The following TYR variants were observed in gnomAD, a reference collection of about 807,000 sequenced individuals.
TYR encodes LB24-AB.
Under a neutral mutation model 51.5 loss-of-function variants are expected in TYR, and 58 were observed. That is an observed-to-expected ratio of 1.13 (90% CI 0.91 to 1.40). The LOEUF (loss-of-function observed/expected upper bound fraction) is 1.40, where lower values mean the gene tolerates loss of function less well. Among genes scored for constraint, TYR ranks in the 40% most tolerant of loss-of-function variants. TYR has a pLI of 0.00. For synonymous variants in TYR, 263 were observed against 235.2 expected (o/e 1.12, Z -1.08); for missense variants, 732 against 647.4 (o/e 1.13, Z -1.42).
chr11:89,223,978 G>A (rs1366740675), intron 2 of TYR, among the ~76,000 whole-genome samples: 1 of 150,392 alleles, frequency 6.6e-6, no homozygotes, highest in African/African-American at 2.5e-5. Flanking sequence ...GTATAGTAGT[G>A]AGTAATGAAA....
chr11:89,244,367 C>G (rs1416075285), intron 3 of TYR, among the ~76,000 whole-genome samples: 1 of 151,962 alleles, frequency 6.6e-6, no homozygotes, highest in African/African-American at 2.4e-5. Flanking sequence ...TTCTCTCTGT[C>G]CAGCTCCAGC....
chr11:89,286,951 A>G (rs1361398709), intron 4 of TYR, among the ~76,000 whole-genome samples: 1 of 151,832 alleles, frequency 6.6e-6, no homozygotes, highest in Admixed American at 6.6e-5. Context: ...CATTTCCAAA[A>G]CACGCTAGAC....
chr11:89,294,217 G>C (rs1944880635), intron 4 of TYR: 1 of 152,678 alleles, frequency 6.5e-6, no homozygotes, highest in Non-Finnish European at 1.5e-5. Flanking sequence ...CTGCCTCTTC[G>C]ACTTTTTTAC....
chr11:89,189,720 G>A (rs551703719), intron 1 of TYR, among the ~76,000 whole-genome samples: 1 of 152,170 alleles, frequency 6.6e-6, no homozygotes, highest in Admixed American at 6.5e-5. Context: ...AACTATGTGA[G>A]GTAGTTGTTA....
At chr11:89,263,035 TC>T (rs1944481342) in intron 3 of TYR, among the ~76,000 whole-genome samples, 2 of 151,470 alleles carry the variant, frequency 1.3e-5, no homozygotes, top group Admixed American at 1.3e-4. Context: ...GTGAGCAAAG[TC>T]AGACAAAACT....
At chr11:89,230,551 A>G (rs1944033600) in intron 3 of TYR, among the ~76,000 whole-genome samples, 1 of 152,088 alleles carries the variant, frequency 6.6e-6, no homozygotes, top group Non-Finnish European at 1.5e-5. Context: ...CAAACTAAAA[A>G]TCTCCAAGCG....
rs372820129 is a variant in TYR at position 89,252,654 on chromosome 11, T to C, written c.1184+24684T>C. Among the ~76,000 whole-genome samples, 3 of 151,780 alleles carry C rather than the reference T, an allele frequency of 2.0e-5. No homozygotes were observed. The East Asian group carries it at 5.8e-4, about 29-fold the overall frequency. On this transcript the variant is annotated intron_variant, in intron 3 of 4. Coordinates refer to ENST00000263321, the MANE Select transcript of TYR (RefSeq NM_000372.5). ...GTTTTGAAATTAAACAAAGTACTGA[T>C]TCAGAAAAAGCAAGTGCAAAACCTC...
intron 1 of TYR, among the ~76,000 whole-genome samples, chr11:89,182,993 C>T (rs1298619606): frequency 6.6e-6 from 1 of 152,062 alleles, no homozygotes; most frequent in African/African-American, 2.4e-5. Flanking sequence ...AGCAGAGAGT[C>T]ATGGGTTTTA....
chr11:89,286,580 C>T (rs564376893), intron 4 of TYR, among the ~76,000 whole-genome samples: 1 of 151,702 alleles, frequency 6.6e-6, no homozygotes, highest in African/African-American at 2.4e-5. Flanking sequence ...AATATATACA[C>T]AATTTGGGGC....
intron 3 of TYR, among the ~76,000 whole-genome samples, chr11:89,257,708 T>C (rs557026156): frequency 3.3e-5 from 5 of 152,168 alleles, no homozygotes; most frequent in Admixed American, 3.3e-4. Flanking sequence ...TTTATTTATG[T>C]ATTTTTTTTA....
At position 89,227,888 on chromosome 11, in the gene TYR, A is replaced by G; in HGVS notation, c.1102A>G (p.Ile368Val). 1 of 1,613,594 alleles carries G rather than the reference A, an allele frequency of 6.2e-7. No homozygotes were observed. Among genetic ancestry groups the G allele is most frequent in the Non-Finnish European group, 8.5e-7 (1 of 1,179,720 alleles). Residue 368 changes from isoleucine (I) to valine (V), a missense_variant, in exon 3 of 5, where the codon ATC becomes GTC. Physicochemically the swap from Ile to Val is conservative, Grantham distance 29. Transcript: ENST00000263321. ...SQSSMHNALH[I>V]YMNGTMSQVQ... ...AAGCAGCATGCACAATGCCTTGCACATCTATATGAATGGAACAATGTCCCA... is the reference window on the plus strand; with the variant it reads ...AAGCAGCATGCACAATGCCTTGCACGTCTATATGAATGGAACAATGTCCCA...
chr11:89,281,473 C>A (rs1944721354), intron 3 of TYR, among the ~76,000 whole-genome samples: 1 of 151,686 alleles, frequency 6.6e-6, no homozygotes, highest in Non-Finnish European at 1.5e-5. Context: ...AAGACAGCAG[C>A]ACCCAGGAAT....
At chr11:89,227,721 T>G (rs576929827) in intron 2 of TYR, 102 bp from the exon 3 acceptor site, 1 of 1,012,836 alleles carries the variant, frequency 9.9e-7, no homozygotes, top group East Asian at 2.6e-5. Flanking sequence ...TTTTATATTT[T>G]GAAACAGTCT....
At chr11:89,210,115 G>A (rs1230404761) in intron 2 of TYR, among the ~76,000 whole-genome samples, 1 of 152,194 alleles carries the variant, frequency 6.6e-6, no homozygotes, top group Non-Finnish European at 1.5e-5. Flanking sequence ...GATGGAGAAT[G>A]AGTTTGACAA....
chr11:89,290,279 G>A (rs1206407590), intron 4 of TYR, among the ~76,000 whole-genome samples: 1 of 151,962 alleles, frequency 6.6e-6, no homozygotes, highest in African/African-American at 2.4e-5. Context: ...AGGATGTTGA[G>A]AAATAAAAGT....
chr11:89,269,408 T>C (rs890684362), intron 3 of TYR, among the ~76,000 whole-genome samples: 2 of 151,956 alleles, frequency 1.3e-5, no homozygotes, highest in African/African-American at 4.8e-5. Context: ...ATCTCAATCC[T>C]GGATGCACAT....
chr11:89,246,986 C>G (rs1487733572), intron 3 of TYR, among the ~76,000 whole-genome samples: 1 of 152,128 alleles, frequency 6.6e-6, no homozygotes, highest in African/African-American at 2.4e-5. Flanking sequence ...AGAGGAGGAC[C>G]TATCTGTTTC....
chr11:89,232,241 C>T (rs1427503224), intron 3 of TYR, among the ~76,000 whole-genome samples: 1 of 142,922 alleles, frequency 7.0e-6, no homozygotes, highest in Non-Finnish European at 1.5e-5. Flanking sequence ...GTGAATATCT[C>T]AATAGAGACA....
chr11:89,283,599 A>C (rs1944744680), intron 3 of TYR, among the ~76,000 whole-genome samples: 1 of 151,798 alleles, frequency 6.6e-6, no homozygotes, highest in East Asian at 1.9e-4. Context: ...CTCCAAGTTC[A>C]GTGATTTTCT....
Sources: gnomAD v4.1 joint callset for allele counts (sites outside exome capture counted in the v4.1 genomes callset) on GRCh38, gnomAD v4.1.1 for gene constraint, MANE v1.5 for transcripts, NCBI Gene and HGNC (gene_info 2026-07-23, HGNC 2026-07-21) for gene names.